UBXN7: variants seen among roughly 807,000 people sequenced by gnomAD.
The protein encoded by UBXN7 is UBX domain-containing protein 7.
In UBXN7, 9 loss-of-function variants were observed where a neutral mutation model predicts 58.0. The ratio of observed to expected loss-of-function variants is 0.16; its 90% CI spans 0.09 to 0.27. The LOEUF is 0.27. Among genes scored for constraint, UBXN7 ranks in the 10% least tolerant of loss-of-function variants. UBXN7 has a pLI of 1.00. For missense variants in UBXN7, 328 were observed against 599.6 expected (o/e 0.55, Z 4.73); for synonymous variants, 208 against 205.0 (o/e 1.01, Z -0.12).
At chr3:196,405,378 G>A (rs1290535834) in intron 2 of UBXN7, among the ~76,000 whole-genome samples, 2 of 150,906 alleles carry the variant, frequency 1.3e-5, no homozygotes, top group African/African-American at 4.9e-5. Flanking sequence ...GCTGAGGCAG[G>A]AGAATCCACT....
chr3:196,381,361 T>G (rs1037374553), intron 5 of UBXN7, among the ~76,000 whole-genome samples: 3 of 152,162 alleles, frequency 2.0e-5, no homozygotes, highest in African/African-American at 7.2e-5. Context: ...GGAGTGAAAC[T>G]CCTGCAAACT....
At chr3:196,393,789 TA>T (rs1008969160) in intron 3 of UBXN7, 170 bp from the exon 4 acceptor site, 2 of 518,034 alleles carry the variant, frequency 3.9e-6, no homozygotes, top group Admixed American at 3.4e-5. Context: ...CCAATTTTAG[TA>T]AATGTGCTGC....
At chr3:196,419,707 T>C (rs996308230) in intron 1 of UBXN7, among the ~76,000 whole-genome samples, 1 of 152,144 alleles carries the variant, frequency 6.6e-6, no homozygotes, top group African/African-American at 2.4e-5. Context: ...TCGGGGATAC[T>C]ACTGGCATTT....
intron 3 of UBXN7, chr3:196,397,853 T>TTA (rs1227916368): frequency 6.6e-6 from 1 of 152,206 alleles, no homozygotes; most frequent in Non-Finnish European, 1.5e-5. Flanking sequence ...TAACCAATGG[T>TTA]AGTTTCTTAG....
intron 5 of UBXN7, among the ~76,000 whole-genome samples, chr3:196,372,323 TCTC>T (rs1348027773): frequency 1.3e-5 from 2 of 149,382 alleles, no homozygotes; most frequent in Non-Finnish European, 3.0e-5. Flanking sequence ...TCTCTCTCTC[TCTC>T]CTTTCTTTCT....
rs545667030 is a variant in UBXN7, at chr3:196,371,914, T to A, written c.597A>T (p.Glu199Asp). The change falls in exon 6 of 11, where the codon GAA becomes GAT. Residue 199 changes from glutamate (E) to aspartate (D), a missense_variant. This residue lies in a region of UBXN7 where 126 missense variants were observed against 302.6 expected (regional missense o/e 0.42). Transcript: ENST00000296328. ...TTCTCACCTGCCAGAAAATGAAATG[T>A]TCCCGGATAATATTCTTCACAGCTT... ...SNEAVKNIIR[E>D]HFIFWQVYHD... The A allele has an allele frequency of 6.2e-7, 1 of 1,612,380 alleles. No homozygotes were observed. The highest frequency in any genetic ancestry group is 1.1e-5 in the South Asian group (1 of 90,530).
chr3:196,405,051 C>G lies in UBXN7; in HGVS notation c.222-2032G>C, dbSNP rs11924832. Reference sequence around the variant, plus strand: ...CGCCTATAGTCCCAGCTACTTGAGGCGCCGAGGTTGCTTGAACCCGAGAGG... The same window carrying G: ...CGCCTATAGTCCCAGCTACTTGAGGGGCCGAGGTTGCTTGAACCCGAGAGG... On this transcript the variant is annotated intron_variant, in intron 2 of 10. Coordinates refer to ENST00000296328, the MANE Select transcript of UBXN7 (RefSeq NM_015562.2). Among the ~76,000 whole-genome samples the G allele has an allele frequency of 9.9e-5, 15 of 152,066 alleles. No individual in the cohort carries two copies. In the East Asian group the frequency reaches 2.9e-3, roughly 29 times the overall value.
intron 1 of UBXN7, among the ~76,000 whole-genome samples, chr3:196,417,669 G>A (rs964211863): frequency 2.9e-5 from 4 of 137,086 alleles, no homozygotes; most frequent in East Asian, 2.3e-4. Flanking sequence ...TTGGAAGGCC[G>A]AGGCAGACGG....
At position 196,417,723 on chromosome 3, in the gene UBXN7, TTAA is replaced by T. The variant is rs1387450922; in HGVS notation, c.74-10333_74-10331del. Among the ~76,000 whole-genome samples, 422 of 78,390 alleles carry T rather than the reference TTAA, an allele frequency of 5.4e-3. 49 individuals are homozygous for T. Among genetic ancestry groups the T allele is most frequent in the African/African-American group, 0.019 (361 of 19,182 alleles). The allele number at this position is 78,390 out of a possible 152,430, so 51.4% of individuals were successfully genotyped here. A position where few individuals can be genotyped will look rare whatever the true frequency, so the allele number is the denominator to read the frequency against. ...TTTGAGACCAGTCTGGGCAAAATGGTTAAAAAAAAAAAAAAAAAAAAAAAAAAA... is the reference window on the plus strand; with the variant it reads ...TTTGAGACCAGTCTGGGCAAAATGGTAAAAAAAAAAAAAAAAAAAAAAAAA... On this transcript the variant is annotated intron_variant, in intron 1 of 10. Transcript: ENST00000296328.
chr3:196,385,174 C>T (rs1472654018), intron 5 of UBXN7, among the ~76,000 whole-genome samples: 2 of 152,182 alleles, frequency 1.3e-5, no homozygotes, highest in East Asian at 1.9e-4. Flanking sequence ...GACTGGTTTT[C>T]GTATTTTTTG....
intron 5 of UBXN7, among the ~76,000 whole-genome samples, chr3:196,390,646 C>A (rs1391480234): frequency 6.6e-6 from 1 of 150,684 alleles, no homozygotes; most frequent in African/African-American, 2.4e-5. Flanking sequence ...GAGGCTGAGG[C>A]AGGAGAATTA....
In UBXN7 at chr3:196,404,325, T is replaced by C. The variant is rs374926837; in HGVS notation, c.222-1306A>G. The stretch of plus-strand genomic sequence containing the variant: ...TGGCCCAGGCTGGAGTGCAGTGGTA[T>C]GATCTCGGCTCACTGCAAGCTCCGC... On this transcript the variant is annotated intron_variant, in intron 2 of 10. Transcript: ENST00000296328. 2.7e-5 allele frequency among the ~76,000 whole-genome samples: 4 copies of C among 150,654 alleles called. 1 individual carries two copies. The East Asian group carries it at 7.9e-4, about 30-fold the overall frequency.
At chr3:196,395,498 C>T (rs1232772855) in intron 3 of UBXN7, among the ~76,000 whole-genome samples, 1 of 151,906 alleles carries the variant, frequency 6.6e-6, no homozygotes, top group Non-Finnish European at 1.5e-5. Flanking sequence ...AGCTGGAGTG[C>T]AGTGGTGTGA....
chr3:196,362,193 C>T, intron 9 of UBXN7, 101 bp downstream of exon 9: 1 of 1,433,108 alleles, frequency 7.0e-7, no homozygotes, highest in Non-Finnish European at 9.4e-7. Context: ...AGGGTTTTGC[C>T]ATGTTGGCGA....
chr3:196,363,247 CATAAAT>C (rs1349316452), intron 8 of UBXN7, among the ~76,000 whole-genome samples: 1 of 78,448 alleles, frequency 1.3e-5, no homozygotes, highest in Non-Finnish European at 2.7e-5. Context: ...TACATACATA[CATAAAT>C]ATATATATAC....
intron 5 of UBXN7, among the ~76,000 whole-genome samples, chr3:196,372,343 C>CTTTTTTTT (rs894793736): frequency 2.5e-4 from 27 of 107,484 alleles, no homozygotes; most frequent in Non-Finnish European, 2.9e-4. Flanking sequence ...TTCTTTCTTT[C>CTTTTTTTT]TTTTTTTTTT....
intron 1 of UBXN7, among the ~76,000 whole-genome samples, chr3:196,421,426 G>A (rs184459194): frequency 6.6e-6 from 1 of 152,186 alleles, no homozygotes; most frequent in African/African-American, 2.4e-5. Flanking sequence ...CAATTTGAGA[G>A]AGTAATTTTA....
chr3:196,407,271 C>T lies in UBXN7; in HGVS notation c.196G>A (p.Val66Ile). ...TCTGTGTGTGGTCTGACAGTAGAGACACTTGCTGAACTGGTACTGGGCTCT... is the reference window on the plus strand; with the variant it reads ...TCTGTGTGTGGTCTGACAGTAGAGATACTTGCTGAACTGGTACTGGGCTCT... ...AEEPSTSSAS[V>I]STVRPHTEEE... The change falls in exon 2 of 11, where the codon GTC (valine) becomes ATC (isoleucine). Residue 66 changes from valine to isoleucine, a missense_variant. This residue lies in a region of UBXN7 where 106 missense variants were observed against 124.3 expected (regional missense o/e 0.85). Coordinates refer to ENST00000296328, the MANE Select transcript of UBXN7 (RefSeq NM_015562.2). The T allele has an allele frequency of 6.2e-7, 1 of 1,614,126 alleles. No individual in the cohort carries two copies. Among genetic ancestry groups the T allele is most frequent in the South Asian group, 1.1e-5 (1 of 91,072 alleles).
At chr3:196,431,076 A>G (rs1011651970) in intron 1 of UBXN7, among the ~76,000 whole-genome samples, 1 of 152,208 alleles carries the variant, frequency 6.6e-6, no homozygotes, top group Admixed American at 6.5e-5. Context: ...TTGCTTTAAT[A>G]TAAAACGGTA....
Sources: allele counts gnomAD v4.1 joint callset (sites outside exome capture counted in the v4.1 genomes callset), GRCh38; gene constraint gnomAD v4.1.1; regional missense constraint gnomAD v4.1.1; transcripts MANE v1.5; gene names NCBI Gene and HGNC (gene_info 2026-07-23, HGNC 2026-07-21).